The following ATRNL1 variants were observed in gnomAD, a reference collection of about 807,000 sequenced individuals.
ATRNL1 encodes attractin-like protein 1.
Under a neutral mutation model 182.7 loss-of-function variants are expected in ATRNL1, and 95 were observed. The observed-to-expected ratio is 0.52, with a 90% CI of 0.44 to 0.62. The LOEUF is 0.62. Ranked by LOEUF, ATRNL1 falls within the 20% of genes least tolerant of loss-of-function variation. The pLI is 0.00. For missense variants in ATRNL1, 1,471 were observed against 1,679.5 expected (o/e 0.88, Z 2.17); for synonymous variants, 576 against 568.3 (o/e 1.01, Z -0.19).
intron 19 of ATRNL1, among the ~76,000 whole-genome samples, chr10:115,377,287 G>A (rs975790949): frequency 2.0e-5 from 3 of 152,050 alleles, no homozygotes; most frequent in Non-Finnish European, 4.4e-5. Flanking sequence ...AGTCTCACGA[G>A]GTCTGATGGT....
At chr10:115,390,996 G>T (rs1227819271) in intron 19 of ATRNL1, among the ~76,000 whole-genome samples, 1 of 152,024 alleles carries the variant, frequency 6.6e-6, no homozygotes, top group Non-Finnish European at 1.5e-5. Context: ...TGTTGATTTT[G>T]TATTCTTCAA....
chr10:115,522,306 A>G (rs1024350051), intron 25 of ATRNL1, among the ~76,000 whole-genome samples: 10 of 152,226 alleles, frequency 6.6e-5, no homozygotes, highest in African/African-American at 2.4e-4. Flanking sequence ...AACTGCTTCC[A>G]CTCATGGCAG....
chr10:115,657,730 A>C (rs1860416444), intron 26 of ATRNL1, among the ~76,000 whole-genome samples: 1 of 152,090 alleles, frequency 6.6e-6, no homozygotes, highest in Non-Finnish European at 1.5e-5. Context: ...ACACCCAAGA[A>C]ATTTCCATTA....
intron 26 of ATRNL1, among the ~76,000 whole-genome samples, chr10:115,679,379 C>A (rs782428936): frequency 2.0e-5 from 3 of 151,934 alleles, no homozygotes; most frequent in African/African-American, 7.2e-5. Flanking sequence ...CTGAAACTCA[C>A]TGGGCTTCTT....
At chr10:115,344,180 G>A (rs1447142790) in intron 19 of ATRNL1, among the ~76,000 whole-genome samples, 2 of 152,138 alleles carry the variant, frequency 1.3e-5, no homozygotes, top group Non-Finnish European at 2.9e-5. Flanking sequence ...ATCAGCAGGT[G>A]GCAAAGCCAG....
intron 26 of ATRNL1, among the ~76,000 whole-genome samples, chr10:115,651,956 A>C (rs1174425208): frequency 6.6e-6 from 1 of 152,112 alleles, no homozygotes; most frequent in Non-Finnish European, 1.5e-5. Flanking sequence ...TAACTATTAT[A>C]ATAATGAAAA....
intron 21 of ATRNL1, among the ~76,000 whole-genome samples, chr10:115,430,413 A>T (rs2134410352): frequency 6.6e-6 from 1 of 152,164 alleles, no homozygotes; most frequent in African/African-American, 2.4e-5. Flanking sequence ...ATAGTATTTT[A>T]AAATTATCAT....
intron 5 of ATRNL1, among the ~76,000 whole-genome samples, chr10:115,134,804 G>A (rs1309415554): frequency 2.0e-5 from 3 of 152,066 alleles, no homozygotes; most frequent in Non-Finnish European, 4.4e-5. Flanking sequence ...CTGGCAAACC[G>A]AATCCAGCAA....
At chr10:115,304,463 G>A (rs969583628) in intron 17 of ATRNL1, among the ~76,000 whole-genome samples, 2 of 152,170 alleles carry the variant, frequency 1.3e-5, no homozygotes, top group African/African-American at 2.4e-5. Flanking sequence ...GACACACGTG[G>A]AGTGGTTTTA....
intron 8 of ATRNL1, among the ~76,000 whole-genome samples, chr10:115,203,218 A>G (rs1848661568): frequency 6.6e-6 from 1 of 152,164 alleles, no homozygotes; most frequent in Admixed American, 6.6e-5. Context: ...CTACAAGTAT[A>G]AAAGTTTTCA....
chr10:115,904,146 C>T (rs1208677780), intron 28 of ATRNL1, among the ~76,000 whole-genome samples: 1 of 152,134 alleles, frequency 6.6e-6, no homozygotes, highest in Admixed American at 6.5e-5. Flanking sequence ...ATGGAAAGTC[C>T]TCAAGCCAAT....
At chr10:115,126,187 A>G (rs1554873461) in intron 3 of ATRNL1, among the ~76,000 whole-genome samples, 1 of 152,122 alleles carries the variant, frequency 6.6e-6, no homozygotes, top group Non-Finnish European at 1.5e-5. Flanking sequence ...CCTCCCGAGT[A>G]GCTGAGACTA....
intron 26 of ATRNL1, among the ~76,000 whole-genome samples, chr10:115,601,958 T>C (rs1856620196): frequency 6.6e-6 from 1 of 152,092 alleles, no homozygotes; most frequent in African/African-American, 2.4e-5. Context: ...TCAGGCTAAT[T>C]GAGTACTTTT....
At chr10:115,621,274 TATAGAG>T (rs1365457646) in intron 26 of ATRNL1, among the ~76,000 whole-genome samples, 11 of 48,226 alleles carry the variant, frequency 2.3e-4, no homozygotes, top group African/African-American at 5.6e-4. Context: ...TATATATATA[TATAGAG>T]AGAGAGAGAG....
intron 27 of ATRNL1, among the ~76,000 whole-genome samples, chr10:115,749,017 A>G (rs1948372257): frequency 6.6e-6 from 1 of 151,930 alleles, no homozygotes; most frequent in Admixed American, 6.6e-5. Flanking sequence ...ATCACAATGA[A>G]ATGTATTTAA....
At chr10:115,149,983 G>T (rs1044040827) in intron 5 of ATRNL1, among the ~76,000 whole-genome samples, 44 of 149,286 alleles carry the variant, frequency 2.9e-4, no homozygotes, top group Admixed American at 3.3e-4. Flanking sequence ...ACTTTCCTTT[G>T]TTGGGAGACT....
chr10:115,435,940 G>A (rs528268083), intron 21 of ATRNL1, among the ~76,000 whole-genome samples: 1 of 152,158 alleles, frequency 6.6e-6, no homozygotes, highest in South Asian at 2.1e-4. Flanking sequence ...TATGTTTAAT[G>A]GTAGTAGACT....
chr10:115,155,891 A>C (rs1846489994), intron 5 of ATRNL1, among the ~76,000 whole-genome samples: 1 of 152,076 alleles, frequency 6.6e-6, no homozygotes, highest in African/African-American at 2.4e-5. Flanking sequence ...GGTGGCTTGG[A>C]CTGAAATGGT....
At chr10:115,554,111 T>C (rs1415740708) in intron 26 of ATRNL1, among the ~76,000 whole-genome samples, 1 of 151,590 alleles carries the variant, frequency 6.6e-6, no homozygotes, top group African/African-American at 2.4e-5. Context: ...TTTAAACATT[T>C]TAACATATAG....
Sources: allele counts gnomAD v4.1 joint callset (sites outside exome capture counted in the v4.1 genomes callset), GRCh38; gene constraint gnomAD v4.1.1; transcripts MANE v1.5; gene names NCBI Gene and HGNC (gene_info 2026-07-23, HGNC 2026-07-21).